Variants in CRYZL1 observed in about 807,000 individuals in gnomAD.
CRYZL1 encodes the protein crystallin zeta like 1.
Under a neutral mutation model 50.6 loss-of-function variants are expected in CRYZL1, and 34 were observed. The ratio of observed to expected loss-of-function variants is 0.67; its 90% CI spans 0.51 to 0.89. CRYZL1 has a LOEUF of 0.89. Ranked by LOEUF, CRYZL1 falls within the 40% of genes least tolerant of loss-of-function variation. CRYZL1 has a pLI of 0.00. For synonymous variants in CRYZL1, 125 were observed against 134.3 expected (o/e 0.93, Z 0.48); for missense variants, 354 against 402.3 (o/e 0.88, Z 1.03).
chr21:33,613,492 T>A, intron 6 of CRYZL1, 46 bp downstream of exon 6: 1 of 1,223,072 alleles, frequency 8.2e-7, no homozygotes, highest in Non-Finnish European at 1.2e-6. Flanking sequence ...CATATGTCAG[T>A]GAAGTAAGAC....
intron 3 of CRYZL1, among the ~76,000 whole-genome samples, chr21:33,623,623 G>T (rs2087026951): frequency 6.6e-6 from 1 of 152,156 alleles, no homozygotes; most frequent in East Asian, 1.9e-4. Flanking sequence ...GAGTTGCCCA[G>T]TGAAAGCCTA....
At chr21:33,604,379 A>AAG (rs1657032752) in intron 6 of CRYZL1, among the ~76,000 whole-genome samples, 1 of 127,672 alleles carries the variant, frequency 7.8e-6, no homozygotes, top group Non-Finnish European at 1.7e-5. Flanking sequence ...AAAAAAAAAA[A>AAG]GTAGCCAGGC....
chr21:33,632,371 G>C (rs564853496), intron 1 of CRYZL1, among the ~76,000 whole-genome samples: 1 of 152,002 alleles, frequency 6.6e-6, no homozygotes, highest in South Asian at 2.1e-4. Flanking sequence ...CTTATATTCT[G>C]TGAACTTATT....
chr21:33,627,706 T>G (rs1264263610), intron 2 of CRYZL1, among the ~76,000 whole-genome samples: 1 of 151,668 alleles, frequency 6.6e-6, no homozygotes, highest in Non-Finnish European at 1.5e-5. Flanking sequence ...AAATAATATC[T>G]TTCTACCTCT....
At chr21:33,641,217 G>A (rs1372208853) in intron 1 of CRYZL1, 15 of 1,550,618 alleles carry the variant, frequency 9.7e-6, no homozygotes, top group African/African-American at 1.4e-5. Flanking sequence ...GCATAATGAA[G>A]AGGGCCGATC....
intron 10 of CRYZL1, among the ~76,000 whole-genome samples, chr21:33,596,712 C>T (rs765145404): frequency 6.6e-6 from 1 of 151,646 alleles, no homozygotes. Flanking sequence ...AATAAAATTA[C>T]ACTTCATCGT....
At chr21:33,621,880 AT>A (rs2087006576) in intron 4 of CRYZL1, 115 bp downstream of exon 4, 1 of 627,744 alleles carries the variant, frequency 1.6e-6, no homozygotes, top group Admixed American at 3.0e-5. Context: ...TGTTCATATA[AT>A]TAAATTTAAA....
Position 33,603,475 on chromosome 21 carries a change from CACGCACT to C in CRYZL1, c.387_393del (p.Val130ProfsTer18). 12 of 1,614,170 alleles carry C rather than the reference CACGCACT, an allele frequency of 7.4e-6. No homozygotes were observed. The highest frequency in any genetic ancestry group is 1.0e-5 in the Non-Finnish European group (12 of 1,180,032). The stretch of plus-strand genomic sequence containing the variant: ...GAAAGATAATGCAGAGCTGTATAGG[CACGCACT>C]CCATCCCGAATGCTTCCTGCTGCTT... On this transcript the variant is annotated frameshift_variant, in exon 7 of 13. Coordinates refer to ENST00000381554, the MANE Select transcript of CRYZL1 (RefSeq NM_145858.3). LOFTEE classifies it high-confidence loss of function.
chr21:33,640,617 A>T (rs1328611964), intron 1 of CRYZL1, among the ~76,000 whole-genome samples: 1 of 152,220 alleles, frequency 6.6e-6, no homozygotes, highest in African/African-American at 2.4e-5. Context: ...AATTGGGCAC[A>T]TCTCAATTAC....
chr21:33,613,232 A>C (rs942832929), intron 6 of CRYZL1, among the ~76,000 whole-genome samples: 4 of 152,190 alleles, frequency 2.6e-5, no homozygotes, highest in African/African-American at 7.2e-5. Flanking sequence ...AAAAATTTTT[A>C]ATTCTGATTA....
intron 2 of CRYZL1, among the ~76,000 whole-genome samples, chr21:33,629,394 T>C (rs1359611305): frequency 6.6e-6 from 1 of 152,188 alleles, no homozygotes; most frequent in Non-Finnish European, 1.5e-5. Context: ...CCCGAGTAAC[T>C]GGGACTAGAG....
chr21:33,601,715 G>A (rs536913986), intron 8 of CRYZL1, among the ~76,000 whole-genome samples: 2 of 152,184 alleles, frequency 1.3e-5, no homozygotes, highest in South Asian at 4.2e-4. Flanking sequence ...TCAGAAGTTT[G>A]ATACCAGCCT....
intron 3 of CRYZL1, among the ~76,000 whole-genome samples, chr21:33,623,176 G>T (rs1436826803): frequency 6.6e-6 from 1 of 151,970 alleles, no homozygotes; most frequent in East Asian, 1.9e-4. Flanking sequence ...ATGTTGGCCA[G>T]GATGGTCTTG....
chr21:33,599,245 C>T lies in CRYZL1; in HGVS notation c.581G>A (p.Arg194Gln), dbSNP rs1483824479. The T allele has an allele frequency of 1.8e-5, 29 of 1,613,534 alleles. No homozygotes were observed. The highest frequency in any genetic ancestry group is 2.2e-5 in the East Asian group (1 of 44,862). The stretch of plus-strand genomic sequence containing the variant: ...TTTCCCATTAGATACATCAATCACT[C>T]GGGCTGTAAAGGACAGGAAATCAGG... Reference protein sequence around the residue: ...CLERFRPPIARVIDVSNGKVH... With the variant: ...CLERFRPPIAQVIDVSNGKVH... The change falls in exon 9 of 13, where the codon CGA becomes CAA. Residue 194 changes from arginine to glutamine, a missense_variant. Transcript: ENST00000381554.
intron 5 of CRYZL1, among the ~76,000 whole-genome samples, chr21:33,614,145 C>G (rs2086902188): frequency 6.8e-6 from 1 of 147,958 alleles, no homozygotes; most frequent in Non-Finnish European, 1.5e-5. Context: ...GCATTCCAGC[C>G]CGGCCGACAG....
At chr21:33,603,954 AAAC>A (rs1490161301) in intron 6 of CRYZL1, among the ~76,000 whole-genome samples, 4 of 152,282 alleles carry the variant, frequency 2.6e-5, no homozygotes, top group African/African-American at 7.2e-5. Context: ...ACGCATTCCT[AAAC>A]AATACAATTT....
rs1182365215 is a variant in CRYZL1 at position 33,591,213 on chromosome 21, T to TGGAAGGATTGTTAAGGTGGCAATGTAAAG, written c.905-35_905-7dup. ...CATCACATCCTTTAAGATACGTAGC[T>TGGAAGGATTGTTAAGGTGGCAATGTAAAG]GGAAGGATTGTTAAGGTGGCAATGT... is the stretch of plus-strand genomic sequence containing the variant. On this transcript the variant is annotated splice_polypyrimidine_tract_variant and splice_region_variant and intron_variant, in intron 11 of 12. Coordinates refer to ENST00000381554, the MANE Select transcript of CRYZL1 (RefSeq NM_145858.3). 1.7e-5 allele frequency: 28 copies of TGGAAGGATTGTTAAGGTGGCAATGTAAAG among 1,609,014 alleles called. 1 individual carries two copies. The highest frequency in any genetic ancestry group is 2.3e-5 in the Non-Finnish European group (27 of 1,175,434).
At chr21:33,624,532 A>G in intron 3 of CRYZL1, 151 bp downstream of exon 3, 2 of 1,298,410 alleles carry the variant, frequency 1.5e-6, no homozygotes, top group Non-Finnish European at 2.0e-6. Context: ...CTGGGCAACA[A>G]GAGTGAAACT....
intron 9 of CRYZL1, 104 bp from the exon 10 acceptor site, chr21:33,597,505 A>C (rs1355413940): frequency 5.3e-6 from 5 of 935,394 alleles, no homozygotes; most frequent in Non-Finnish European, 8.1e-6. Flanking sequence ...ATTTAGAGAC[A>C]AGGTCTTACT....
Sources: allele counts gnomAD v4.1 joint callset (sites outside exome capture counted in the v4.1 genomes callset), GRCh38; gene constraint gnomAD v4.1.1; transcripts MANE v1.5; gene names NCBI Gene and HGNC (gene_info 2026-07-23, HGNC 2026-07-21).